Variants in SPAG16 observed in about 807,000 individuals in gnomAD.
SPAG16 encodes sperm-associated antigen 16 protein.
In SPAG16, 86 loss-of-function variants were observed where a neutral mutation model predicts 80.4. The ratio of observed to expected loss-of-function variants is 1.07; its 90% CI spans 0.90 to 1.28. The LOEUF (loss-of-function observed/expected upper bound fraction) is 1.28, where lower values mean the gene tolerates loss of function less well. Among genes scored for constraint, SPAG16 ranks in the 50% most tolerant of loss-of-function variants. The probability of loss-of-function intolerance (pLI) is 0.00; values close to 1 mark genes in which losing one functional copy is unlikely to be tolerated. For synonymous variants in SPAG16, 294 were observed against 265.9 expected, an observed-to-expected ratio of 1.11 and a Z score of -1.03; for missense variants, 870 against 765.3, an observed-to-expected ratio of 1.14 and a Z score of -1.61.
chr2:213,513,113 GTGTATGTATGTTTTGTTTTGTCTGT>G (rs1175534375), intron 10 of SPAG16, among the ~76,000 whole-genome samples: 1 of 152,160 alleles, frequency 6.6e-6, no homozygotes, highest in Non-Finnish European at 1.5e-5. Flanking sequence ...ACTGTCACGT[GTGTATGTATGTTTTGTTTTGTCTGT>G]TTCTTGTTTT....
intron 13 of SPAG16, among the ~76,000 whole-genome samples, chr2:214,069,152 G>A (rs141709412): frequency 5.1e-4 from 78 of 152,186 alleles, no homozygotes; most frequent in African/African-American, 1.8e-3. Context: ...CAAAATCTTT[G>A]AAGGACACTT....
intron 10 of SPAG16, among the ~76,000 whole-genome samples, chr2:213,849,528 ATTAT>A (rs963738880): frequency 3.3e-5 from 5 of 152,244 alleles, no homozygotes; most frequent in African/African-American, 1.2e-4. Flanking sequence ...CAAAAAAGTC[ATTAT>A]TTATATGTCA....
At chr2:213,824,045 G>A (rs969973954) in intron 10 of SPAG16, among the ~76,000 whole-genome samples, 9 of 152,106 alleles carry the variant, frequency 5.9e-5, no homozygotes, top group African/African-American at 2.2e-4. Flanking sequence ...TATAGTTTTG[G>A]GTTTTACATA....
intron 14 of SPAG16, among the ~76,000 whole-genome samples, chr2:214,125,721 C>A (rs2125473314): frequency 6.6e-6 from 1 of 151,830 alleles, no homozygotes; most frequent in East Asian, 1.9e-4. Flanking sequence ...TGGCACCTTT[C>A]CTCACCCATC....
At chr2:214,403,313 TA>T (rs1334988611) in intron 15 of SPAG16, among the ~76,000 whole-genome samples, 2 of 149,550 alleles carry the variant, frequency 1.3e-5, no homozygotes, top group Non-Finnish European at 3.0e-5. Flanking sequence ...AAAGAACAGG[TA>T]AAATTGATAT....
At chr2:214,355,763 G>T (rs1229137113) in intron 15 of SPAG16, among the ~76,000 whole-genome samples, 1 of 151,830 alleles carries the variant, frequency 6.6e-6, no homozygotes, top group Non-Finnish European at 1.5e-5. Flanking sequence ...GCAAAGACTT[G>T]GAACTAACCC....
chr2:214,303,122 G>A (rs1375687895), intron 15 of SPAG16, among the ~76,000 whole-genome samples: 1 of 152,156 alleles, frequency 6.6e-6, no homozygotes, highest in Admixed American at 6.5e-5. Flanking sequence ...TGCCAACTAT[G>A]TTCAAAGTTA....
intron 13 of SPAG16, among the ~76,000 whole-genome samples, chr2:214,067,390 C>G (rs1165296321): frequency 6.6e-6 from 1 of 151,918 alleles, no homozygotes; most frequent in East Asian, 1.9e-4. Context: ...AATAGTAGTC[C>G]TTATTGTGAA....
At chr2:213,554,536 A>G (rs1324721946) in intron 10 of SPAG16, among the ~76,000 whole-genome samples, 1 of 152,226 alleles carries the variant, frequency 6.6e-6, no homozygotes, top group Non-Finnish European at 1.5e-5. Context: ...AAATGGAGAT[A>G]CGAGAACAGC....
chr2:213,526,319 T>C (rs1160835665), intron 10 of SPAG16, among the ~76,000 whole-genome samples: 1 of 152,256 alleles, frequency 6.6e-6, no homozygotes, highest in African/African-American at 2.4e-5. Context: ...AATCAAGTTA[T>C]GATAATATTT....
chr2:213,310,343 C>T (rs1395990736), intron 4 of SPAG16, among the ~76,000 whole-genome samples, 166 bp downstream of exon 4: 2 of 149,760 alleles, frequency 1.3e-5, no homozygotes, highest in Non-Finnish European at 3.0e-5. Context: ...CACACACACA[C>T]ACACACACAC....
At chr2:213,857,455 A>G (rs1575372231) in intron 10 of SPAG16, among the ~76,000 whole-genome samples, 1 of 152,202 alleles carries the variant, frequency 6.6e-6, no homozygotes, top group Non-Finnish European at 1.5e-5. Context: ...TATTTTGCCT[A>G]TGATTTATAA....
At chr2:213,436,720 A>G (rs2070660131) in intron 9 of SPAG16, among the ~76,000 whole-genome samples, 1 of 152,170 alleles carries the variant, frequency 6.6e-6, no homozygotes, top group Non-Finnish European at 1.5e-5. Context: ...GCAAATCTTT[A>G]TCTTAAATAA....
At chr2:213,717,311 A>C (rs1574921157) in intron 10 of SPAG16, among the ~76,000 whole-genome samples, 5 of 152,092 alleles carry the variant, frequency 3.3e-5, no homozygotes, top group Admixed American at 3.3e-4. Context: ...GGCGCCCGCC[A>C]CCAAGCCTGG....
At chr2:214,020,682 A>G (rs2047818725) in intron 13 of SPAG16, among the ~76,000 whole-genome samples, 1 of 152,198 alleles carries the variant, frequency 6.6e-6, no homozygotes, top group African/African-American at 2.4e-5. Context: ...TGTACTTACC[A>G]ATGTGCAGGC....
Position 213,980,725 on chromosome 2 carries a change from T to TATATATAGAG in SPAG16, c.1401-33225_1401-33224insTATATAGAGA, listed in dbSNP as rs374274176. On this transcript the variant is annotated intron_variant, in intron 12 of 15. Coordinates refer to ENST00000331683, the MANE Select transcript of SPAG16 (RefSeq NM_024532.5). ...GTGTGTGTGTGTGTATATATATATA[T>TATATATAGAG]AGAGAGAGAGAGAGAGAGAGAGAGA... 4.5e-3 allele frequency among the ~76,000 whole-genome samples: 469 copies of TATATATAGAG among 103,972 alleles called. 8 individuals are homozygous for TATATATAGAG. Among genetic ancestry groups the TATATATAGAG allele is most frequent in the East Asian group, 0.017 (58 of 3,486 alleles). 68.2% of individuals were successfully genotyped at this position (103,972 alleles called of 152,430 possible). A position where few individuals can be genotyped will look rare whatever the true frequency, so the allele number is the denominator to read the frequency against.
chr2:214,338,736 G>A (rs938684539), intron 15 of SPAG16, among the ~76,000 whole-genome samples: 1 of 152,128 alleles, frequency 6.6e-6, no homozygotes, highest in Non-Finnish European at 1.5e-5. Context: ...TGGTTTGGTA[G>A]AAATACTGTA....
rs771737116 is a variant in SPAG16, at chr2:214,102,985, G to C, written c.1528-5211G>C. On this transcript the variant is annotated intron_variant, in intron 13 of 15. Transcript: ENST00000331683. Reference sequence around the variant, plus strand: ...TCTTTCCCATGATTCTTCGCGTAGGGTGGGCTTCCCGCATGCGCAGTGTTT... The same window carrying C: ...TCTTTCCCATGATTCTTCGCGTAGGCTGGGCTTCCCGCATGCGCAGTGTTT... Among the ~76,000 whole-genome samples, 5 of 152,234 alleles carry C rather than the reference G, an allele frequency of 3.3e-5. 1 individual carries two copies. In the South Asian group the frequency reaches 1.0e-3, roughly 31 times the overall value.
In SPAG16 at chr2:213,849,410, A is replaced by G. The variant is rs548484411; in HGVS notation, c.1071-13075A>G. On this transcript the variant is annotated intron_variant, in intron 10 of 15. Coordinates refer to ENST00000331683, the MANE Select transcript of SPAG16 (RefSeq NM_024532.5). ...ACATGAGATTTGTTGGAAACAAAAC[A>G]TGTCCAAACCATAGCAGTTTATTTT... is the stretch of plus-strand genomic sequence containing the variant. 3.9e-5 allele frequency among the ~76,000 whole-genome samples: 6 copies of G among 152,350 alleles called. No homozygotes were observed. In the South Asian group the frequency reaches 1.0e-3, roughly 26 times the overall value.
Sources: gnomAD v4.1 joint callset for allele counts (sites outside exome capture counted in the v4.1 genomes callset) on GRCh38, gnomAD v4.1.1 for gene constraint, MANE v1.5 for transcripts, NCBI Gene and HGNC (gene_info 2026-07-23, HGNC 2026-07-21) for gene names.